CSMD1: variants seen among roughly 807,000 people sequenced by gnomAD.
CSMD1 encodes the protein CUB and sushi domain-containing protein 1.
Under a neutral mutation model 417.5 loss-of-function variants are expected in CSMD1, and 213 were observed. That is an observed-to-expected ratio of 0.51 (90% CI 0.46 to 0.57). CSMD1 has a LOEUF of 0.57. Ranked by LOEUF, CSMD1 falls within the 20% of genes least tolerant of loss-of-function variation. The probability of loss-of-function intolerance (pLI) is 0.00; values close to 1 mark genes in which losing one functional copy is unlikely to be tolerated. For synonymous variants in CSMD1, 2,862 were observed against 1,736.8 expected, an observed-to-expected ratio of 1.65 and a Z score of -16.11; for missense variants, 6,923 against 4,529.7, an observed-to-expected ratio of 1.53 and a Z score of -15.17.
At chr8:4,757,658 T>C (rs964234355) in intron 1 of CSMD1, among the ~76,000 whole-genome samples, 1 of 152,120 alleles carries the variant, frequency 6.6e-6, no homozygotes, top group African/African-American at 2.4e-5. Context: ...ATCATAATTT[T>C]GTGTAAAAAG....
At chr8:3,026,526 C>T (rs1809942492) in intron 51 of CSMD1, among the ~76,000 whole-genome samples, 2 of 151,752 alleles carry the variant, frequency 1.3e-5, no homozygotes, top group African/African-American at 2.4e-5. Context: ...CTCACTCAGC[C>T]TCACGGGGCC....
At chr8:4,225,070 C>G (rs929480112) in intron 3 of CSMD1, among the ~76,000 whole-genome samples, 4 of 152,184 alleles carry the variant, frequency 2.6e-5, no homozygotes, top group Non-Finnish European at 5.9e-5. Flanking sequence ...TGACATCACA[C>G]CACTGCACTC....
chr8:4,804,079 T>G (rs905893184), intron 1 of CSMD1, among the ~76,000 whole-genome samples: 3 of 152,250 alleles, frequency 2.0e-5, no homozygotes, highest in African/African-American at 7.2e-5. Flanking sequence ...CATGGTTATT[T>G]GGTTATTTGT....
intron 5 of CSMD1, among the ~76,000 whole-genome samples, chr8:3,853,397 C>G (rs1037788825): frequency 6.6e-6 from 1 of 152,108 alleles, no homozygotes; most frequent in South Asian, 2.1e-4. Context: ...TGGTATAGCA[C>G]GCTCTATAAT....
intron 10 of CSMD1, among the ~76,000 whole-genome samples, chr8:3,564,578 A>C (rs1799618011): frequency 6.9e-6 from 1 of 145,784 alleles, no homozygotes; most frequent in Non-Finnish European, 1.5e-5. Flanking sequence ...GCAAATCAAA[A>C]GCATGGCCCT....
chr8:3,576,661 G>T (rs996633349), intron 9 of CSMD1, among the ~76,000 whole-genome samples: 2 of 152,180 alleles, frequency 1.3e-5, no homozygotes, highest in African/African-American at 4.8e-5. Context: ...AACTCAGTAG[G>T]TGTGTCATTG....
At chr8:4,180,922 T>A (rs1407636834) in intron 3 of CSMD1, among the ~76,000 whole-genome samples, 3 of 152,152 alleles carry the variant, frequency 2.0e-5, no homozygotes, top group Admixed American at 6.6e-5. Context: ...ATTTTCAAGG[T>A]GCCAAAATTG....
In CSMD1 at chr8:4,412,000, G is replaced by GTGTT. The variant is rs2128935111; in HGVS notation, c.415+7952_415+7953insAACA. ...GCAACATAGCTAAGGGTGTGTGTGT[G>GTGTT]TGTGTGTGTGTGTGTGTAGCCAGGG... On this transcript the variant is annotated intron_variant, in intron 3 of 69. Transcript: ENST00000635120. Among the ~76,000 whole-genome samples, 2 of 143,360 alleles carry GTGTT rather than the reference G, an allele frequency of 1.4e-5. 1 individual carries two copies. The highest frequency in any genetic ancestry group is 4.2e-4 in the South Asian group (2 of 4,750). The allele number at this position is 143,360 out of a possible 152,430, so 94.0% of individuals were successfully genotyped here.
chr8:3,499,969 C>A (rs1433174229), intron 10 of CSMD1, among the ~76,000 whole-genome samples: 1 of 152,086 alleles, frequency 6.6e-6, no homozygotes, highest in African/African-American at 2.4e-5. Flanking sequence ...CAGGTAGCTC[C>A]CTACCCTTGG....
At chr8:3,650,624 C>T (rs146658410) in intron 7 of CSMD1, among the ~76,000 whole-genome samples, 15 of 152,190 alleles carry the variant, frequency 9.9e-5, no homozygotes, top group African/African-American at 3.1e-4. Context: ...ACTGAGCTCC[C>T]GGCTGTGGAT....
intron 26 of CSMD1, among the ~76,000 whole-genome samples, chr8:3,253,993 G>A (rs1295996082): frequency 6.6e-6 from 1 of 152,166 alleles, no homozygotes; most frequent in Admixed American, 6.5e-5. Context: ...AATTTTGCAT[G>A]TTTTTGCAGT....
chr8:3,142,017 T>A (rs1205817103), intron 41 of CSMD1, among the ~76,000 whole-genome samples: 1 of 152,090 alleles, frequency 6.6e-6, no homozygotes, highest in Non-Finnish European at 1.5e-5. Context: ...CAGGATGGTC[T>A]CGATCTCCTG....
intron 3 of CSMD1, among the ~76,000 whole-genome samples, chr8:4,129,659 C>T (rs867126791): frequency 6.6e-6 from 1 of 151,900 alleles, no homozygotes; most frequent in Non-Finnish European, 1.5e-5. Context: ...CTCTTTTGTC[C>T]CAATGTTCTG....
chr8:4,764,684 T>TA (rs35513756), intron 1 of CSMD1, among the ~76,000 whole-genome samples: 10,345 of 142,898 alleles, frequency 0.072, 387 homozygotes, highest in African/African-American at 0.092. Flanking sequence ...AAAAATTTGT[T>TA]AAAAAAAAAA....
chr8:4,524,525 G>T (rs1372625139), intron 2 of CSMD1, among the ~76,000 whole-genome samples: 1 of 150,196 alleles, frequency 6.7e-6, no homozygotes, highest in Non-Finnish European at 1.5e-5. Flanking sequence ...TGACAGCAGG[G>T]TATGAACCCT....
chr8:4,202,268 A>G (rs563248717), intron 3 of CSMD1, among the ~76,000 whole-genome samples: 4 of 152,224 alleles, frequency 2.6e-5, no homozygotes, highest in African/African-American at 9.6e-5. Flanking sequence ...GATTTTATTC[A>G]TGTTACTGAT....
chr8:4,648,744 T>C (rs2725000), intron 1 of CSMD1, among the ~76,000 whole-genome samples: 90,019 of 151,938 alleles, frequency 0.59, 26,883 homozygotes, highest in Admixed American at 0.69. Context: ...AGAGAATTTG[T>C]GGGGATGAGG....
intron 12 of CSMD1, among the ~76,000 whole-genome samples, chr8:3,422,009 C>T (rs1389710242): frequency 3.9e-5 from 6 of 151,932 alleles, no homozygotes; most frequent in South Asian, 2.1e-4. Context: ...CCACCGCGCC[C>T]GGCCCCACAG....
intron 7 of CSMD1, among the ~76,000 whole-genome samples, chr8:3,695,087 CGTGTGT>C (rs1276176981): frequency 3.3e-4 from 48 of 145,596 alleles, no homozygotes; most frequent in East Asian, 6.2e-4. Context: ...GGAGGCCCTG[CGTGTGT>C]GTGTGTGTGT....
Sources: gnomAD v4.1 joint callset for allele counts (sites outside exome capture counted in the v4.1 genomes callset) on GRCh38, gnomAD v4.1.1 for gene constraint, MANE v1.5 for transcripts, NCBI Gene and HGNC (gene_info 2026-07-23, HGNC 2026-07-21) for gene names.